Variants in CCDC18 observed in about 807,000 individuals in gnomAD.
CCDC18 encodes the protein coiled-coil domain-containing protein 18.
Under a neutral mutation model 196.0 loss-of-function variants are expected in CCDC18, and 157 were observed. The ratio of observed to expected loss-of-function variants is 0.80; its 90% confidence interval spans 0.70 to 0.91. CCDC18 has a LOEUF of 0.91. Among genes scored for constraint, CCDC18 ranks in the 40% least tolerant of loss-of-function variants. CCDC18 has a pLI of 0.00. For synonymous variants in CCDC18, 482 were observed against 529.2 expected (o/e 0.91, Z 1.22); for missense variants, 1,465 against 1,611.6 (o/e 0.91, Z 1.56).
At chr1:93,255,710 T>C (rs1281403748) in intron 24 of CCDC18, among the ~76,000 whole-genome samples, 1 of 146,420 alleles carries the variant, frequency 6.8e-6, no homozygotes, top group Non-Finnish European at 1.5e-5. Flanking sequence ...CCCTCCAATC[T>C]GGGCAACAGA....
chr1:93,221,869 A>G lies in CCDC18; in HGVS notation c.2108A>G (p.Lys703Arg). ...TCTTACTGTTTTTAGGAAATGAAAA[A>G]GGAAAATATGAAGAAAGATGAAGCT... ...LLTESKGEMK[K>R]ENMKKDEALK... Residue 703 changes from lysine (K) to arginine (R), a missense_variant, in exon 16 of 29, where the codon AAG becomes AGG. Physicochemically the swap from Lys to Arg is conservative, Grantham distance 26 (BLOSUM62 2). Coordinates refer to ENST00000690025, the MANE Select transcript of CCDC18 (RefSeq NM_001378204.1). 1 of 1,599,996 alleles carries G rather than the reference A, an allele frequency of 6.3e-7. No individual in the cohort carries two copies. The highest frequency in any genetic ancestry group is 8.5e-7 in the Non-Finnish European group (1 of 1,172,552).
chr1:93,277,939 C>T (rs948442699), intron 28 of CCDC18, among the ~76,000 whole-genome samples: 7 of 151,894 alleles, frequency 4.6e-5, no homozygotes, highest in African/African-American at 1.7e-4. Context: ...ATATTCACAC[C>T]CACCTCATCA....
At chr1:93,218,719 A>G (rs1310791955) in intron 14 of CCDC18, among the ~76,000 whole-genome samples, 1 of 152,102 alleles carries the variant, frequency 6.6e-6, no homozygotes, top group Non-Finnish European at 1.5e-5. Flanking sequence ...CATGTTGGTC[A>G]GGCTGATGTC....
chr1:93,186,615 A>C (rs1025778041), intron 4 of CCDC18, 112 bp downstream of exon 4: 3 of 725,594 alleles, frequency 4.1e-6, no homozygotes, highest in Admixed American at 6.5e-5. Context: ...ATGGGAAGTA[A>C]TTTTCATTAT....
intron 5 of CCDC18, among the ~76,000 whole-genome samples, chr1:93,193,270 T>C (rs1356867503): frequency 1.3e-5 from 2 of 152,190 alleles, no homozygotes; most frequent in Non-Finnish European, 2.9e-5. Flanking sequence ...TCATATTTGC[T>C]TTTTGCAGTG....
chr1:93,239,955 A>C, intron 21 of CCDC18, 59 bp downstream of exon 21: 1 of 1,179,098 alleles, frequency 8.5e-7, no homozygotes, highest in Non-Finnish European at 1.2e-6. Flanking sequence ...ATACAATAAA[A>C]TATGTTGTTG....
In CCDC18 at chr1:93,184,049, A is replaced by G. The variant is rs1404471152; in HGVS notation, c.206A>G (p.Gln69Arg). 1.3e-6 allele frequency: 2 copies of G among 1,594,170 alleles called. No homozygotes were observed. Among genetic ancestry groups the G allele is most frequent in the Non-Finnish European group, 1.7e-6 (2 of 1,167,458 alleles). Residue 69 changes from glutamine (Q) to arginine (R), a missense_variant, in exon 3 of 29, where the codon CAG becomes CGG. Coordinates refer to ENST00000690025, the MANE Select transcript of CCDC18 (RefSeq NM_001378204.1). ...TCTGAAAAGCTAATTTTGGATGTTC[A>G]GCCTAGCCACCCTGGACTTTTGAAT... ...SRSEKLILDV[Q>R]PSHPGLLNYS...
rs374884155 is a variant in CCDC18 at position 93,196,476 on chromosome 1, CAAG to C, written c.698+2737_698+2739del. Among the ~76,000 whole-genome samples the C allele has an allele frequency of 1.3e-3, 191 of 152,164 alleles. 1 individual carries two copies. Among genetic ancestry groups the C allele is most frequent in the African/African-American group, 4.3e-3 (180 of 41,512 alleles). On this transcript the variant is annotated intron_variant, in intron 6 of 28. Coordinates refer to ENST00000690025, the MANE Select transcript of CCDC18 (RefSeq NM_001378204.1). Reference sequence around the variant, plus strand: ...ACTCATATAATGTTTAACACTTAACCAAGAAGATATAAAGACTCTAAACCAGCA... The same window carrying C: ...ACTCATATAATGTTTAACACTTAACCAAGATATAAAGACTCTAAACCAGCA...
At chr1:93,268,931 T>TA (rs973606183) in intron 27 of CCDC18, among the ~76,000 whole-genome samples, 6 of 152,276 alleles carry the variant, frequency 3.9e-5, no homozygotes, top group Admixed American at 3.3e-4. Flanking sequence ...ACTGGGTATA[T>TA]ACCCAAAGTA....
At chr1:93,230,134 G>C (rs2100676143) in intron 17 of CCDC18, among the ~76,000 whole-genome samples, 1 of 151,372 alleles carries the variant, frequency 6.6e-6, no homozygotes, top group South Asian at 2.1e-4. Flanking sequence ...AAAATATTAA[G>C]TACTCTGGGA....
intron 23 of CCDC18, 72 bp from the exon 24 acceptor site, chr1:93,254,399 A>T: frequency 8.6e-7 from 1 of 1,159,422 alleles, no homozygotes; most frequent in Non-Finnish European, 1.2e-6. Context: ...AGCTTGACTT[A>T]CTTGGAACAC....
intron 21 of CCDC18, among the ~76,000 whole-genome samples, chr1:93,243,861 C>A (rs1448338608): frequency 2.0e-5 from 3 of 152,160 alleles, no homozygotes; most frequent in African/African-American, 7.2e-5. Context: ...TTGGTCAAAG[C>A]CATTGAACAA....
chr1:93,216,796 AATTTGTGACAGCAC>A, intron 13 of CCDC18, 50 bp downstream of exon 13: 1 of 855,674 alleles, frequency 1.2e-6, no homozygotes, highest in South Asian at 1.6e-5. Context: ...TTAGGCACTT[AATTTGTGACAGCAC>A]ATTTGTTTTA....
At chr1:93,263,546 T>C (rs1664098949) in intron 26 of CCDC18, among the ~76,000 whole-genome samples, 1 of 152,188 alleles carries the variant, frequency 6.6e-6, no homozygotes, top group East Asian at 1.9e-4. Context: ...TGCTAAAACA[T>C]ACAAGATACT....
intron 7 of CCDC18, among the ~76,000 whole-genome samples, chr1:93,203,365 G>C (rs1261928777): frequency 2.0e-5 from 3 of 152,110 alleles, no homozygotes; most frequent in Non-Finnish European, 4.4e-5. Flanking sequence ...GTTATAGGTA[G>C]GCTTTTGTAT....
chr1:93,181,009 T>A (rs1649526569), intron 1 of CCDC18, 157 bp downstream of exon 1: 1 of 665,538 alleles, frequency 1.5e-6, no homozygotes, highest in Non-Finnish European at 2.3e-6. Flanking sequence ...TCTGAACGGT[T>A]GTATTTTATT....
intron 28 of CCDC18, chr1:93,271,275 CATT>C (rs1255602354): frequency 1.0e-6 from 1 of 985,142 alleles, no homozygotes; most frequent in African/African-American, 1.7e-5. Context: ...CTGAATTAGC[CATT>C]ATTTAAAAGC....
At chr1:93,211,203 G>C (rs917783958) in intron 10 of CCDC18, among the ~76,000 whole-genome samples, 1 of 151,542 alleles carries the variant, frequency 6.6e-6, no homozygotes, top group African/African-American at 2.4e-5. Context: ...ACTTGAACCC[G>C]GGAGGCGGTG....
At chr1:93,230,174 T>A (rs1365604420) in intron 17 of CCDC18, among the ~76,000 whole-genome samples, 2 of 152,046 alleles carry the variant, frequency 1.3e-5, no homozygotes, top group South Asian at 4.1e-4. Context: ...GAAAATATGA[T>A]GTAAAAACAA....
Sources: gnomAD v4.1 joint callset for allele counts (sites outside exome capture counted in the v4.1 genomes callset) on GRCh38, gnomAD v4.1.1 for gene constraint, MANE v1.5 for transcripts, NCBI Gene and HGNC (gene_info 2026-07-23, HGNC 2026-07-21) for gene names.